The following SCAF11 variants were observed in gnomAD, a reference collection of about 807,000 sequenced individuals.
SCAF11 encodes SR-related CTD associated factor 11.
SCAF11 carries 47 observed loss-of-function variants against 140.5 expected under a neutral mutation model. The ratio of observed to expected loss-of-function variants is 0.33; its 90% CI spans 0.26 to 0.43. SCAF11 has a LOEUF of 0.43. Ranked by LOEUF, SCAF11 falls within the 20% of genes least tolerant of loss-of-function variation. SCAF11 has a pLI of 1.00. For synonymous variants in SCAF11, 557 were observed against 579.4 expected, an observed-to-expected ratio of 0.96 and a Z score of 0.55; for missense variants, 1,645 against 1,705.1, an observed-to-expected ratio of 0.96 and a Z score of 0.62.
chr12:45,962,143 T>A (rs1363573244), intron 2 of SCAF11, among the ~76,000 whole-genome samples: 1 of 152,182 alleles, frequency 6.6e-6, no homozygotes, highest in African/African-American at 2.4e-5. Context: ...TTCAAATTTA[T>A]CCCCATCCAG....
At chr12:45,930,445 GTTTTTTTTTTGTTT>G (rs1945014474) in intron 10 of SCAF11, among the ~76,000 whole-genome samples, 2 of 123,722 alleles carry the variant, frequency 1.6e-5, no homozygotes, top group Admixed American at 7.9e-5. Context: ...GTTGTGTTTT[GTTTTTTTTTTGTTT>G]TTTTTTTTTT....
At chr12:45,984,619 G>A (rs974454083) in intron 1 of SCAF11, among the ~76,000 whole-genome samples, 5 of 151,726 alleles carry the variant, frequency 3.3e-5, no homozygotes, top group African/African-American at 4.8e-5. Flanking sequence ...TATTTATTCC[G>A]AGATTATCTC....
intron 1 of SCAF11, among the ~76,000 whole-genome samples, chr12:45,972,909 GATATATATATAGATATATAGAT>G (rs1565688896): frequency 0.016 from 1,068 of 68,412 alleles, 104 homozygotes; most frequent in African/African-American, 0.062. Flanking sequence ...TATATATATA[GATATATATATAGATATATAGAT>G]ATATATAGAT....
In SCAF11 at chr12:45,926,612, G is replaced by A; in HGVS notation, c.3089C>T (p.Ser1030Phe). The change falls in exon 11 of 15, where the codon TCT (serine) becomes TTT (phenylalanine). Residue 1030 changes from serine (S) to phenylalanine (F), a missense_variant. Ser to Phe is a radical substitution (Grantham distance 155). This residue lies in a region of SCAF11 where 1,582 missense variants were observed against 1,609.2 expected (regional missense o/e 0.98). Transcript: ENST00000369367. ...ATTTCTGGTTCTTGGATCAGGCCCA[G>A]AGTTTATTTTTTCTGTTATCCAATT... ...CPNWITEKIN[S>F]GPDPRTRNPE... The A allele has an allele frequency of 6.2e-7, 1 of 1,613,998 alleles. No individual in the cohort carries two copies. The highest frequency in any genetic ancestry group is 8.5e-7 in the Non-Finnish European group (1 of 1,180,008).
chr12:45,949,244 C>G (rs548188727), intron 4 of SCAF11, among the ~76,000 whole-genome samples: 1 of 152,252 alleles, frequency 6.6e-6, no homozygotes. Context: ...ACAACAGTCA[C>G]TAGCCACATA....
Position 45,927,932 on chromosome 12 carries a change from A to G in SCAF11, c.1769T>C (p.Val590Ala). Residue 590 changes from valine to alanine, a missense_variant, in exon 11 of 15, where the codon GTA becomes GCA. Val to Ala is a moderately conservative substitution (Grantham distance 64). Transcript: ENST00000369367. ...AAAATCTTTATGTTCAGTAATTTCTACTAGGGAACTCTCTGTTATTTTTTC... is the reference window on the plus strand; with the variant it reads ...AAAATCTTTATGTTCAGTAATTTCTGCTAGGGAACTCTCTGTTATTTTTTC... ...NEEKITESSL[V>A]EITEHKDFTL... is the part of the protein sequence containing the mutation. 6.2e-7 allele frequency: 1 copy of G among 1,613,204 alleles called. No individual in the cohort carries two copies.
intron 1 of SCAF11, chr12:45,974,189 C>A (rs1424675424): frequency 1.1e-5 from 5 of 470,736 alleles, no homozygotes; most frequent in African/African-American, 8.0e-5. Flanking sequence ...TTTAAAAATA[C>A]CTTATTGCTA....
rs776615387 is a variant in SCAF11 at position 45,926,414 on chromosome 12, C to T, written c.3287G>A (p.Arg1096Gln). ...TGAGAGGGGTTTTCGATTTTGCCAC[C>T]GATTTTCATTCTGATCTTTATAGGC... ...SFAYKDQNEN[R>Q]WQNRKPLSGN... The change falls in exon 11 of 15, where the codon CGG (arginine) becomes CAG (glutamine). Residue 1096 changes from arginine (R) to glutamine (Q), a missense_variant. By Grantham distance (43) the Arg-to-Gln change is conservative. Around this residue, in one of 2 missense-constraint regions of SCAF11, gnomAD observed 1,582 missense variants for 1,609.2 expected, o/e 0.98. Coordinates refer to ENST00000369367, the MANE Select transcript of SCAF11 (RefSeq NM_004719.3). The T allele has an allele frequency of 1.8e-5, 29 of 1,614,034 alleles. No homozygotes were observed. In the South Asian group the frequency reaches 2.0e-4, roughly 11 times the overall value.
Position 45,926,916 on chromosome 12 carries a change from T to C in SCAF11, c.2785A>G (p.Thr929Ala), listed in dbSNP as rs1370373230. 1.2e-6 allele frequency: 2 copies of C among 1,613,190 alleles called. No individual in the cohort carries two copies. The highest frequency in any genetic ancestry group is 1.7e-6 in the Non-Finnish European group (2 of 1,180,006). ...DGQRRERERRTRKWSRSRSHS... is the reference protein window; with the variant it reads ...DGQRRERERRARKWSRSRSHS... Reference sequence around the variant, plus strand: ...GATCTGGACCTAGACCACTTTCTGGTTCTCCTTTCTCTCTCTCTCCTCTGC... The same window carrying C: ...GATCTGGACCTAGACCACTTTCTGGCTCTCCTTTCTCTCTCTCTCCTCTGC... The change falls in exon 11 of 15, where the codon ACC becomes GCC. Residue 929 changes from threonine (T) to alanine (A), a missense_variant. Thr to Ala is a moderately conservative substitution (Grantham distance 58). This residue lies in a region of SCAF11 where 1,582 missense variants were observed against 1,609.2 expected (regional missense o/e 0.98). Coordinates refer to ENST00000369367, the MANE Select transcript of SCAF11 (RefSeq NM_004719.3).
At chr12:45,954,961 T>C (rs1426312642) in intron 3 of SCAF11, 1 of 151,662 alleles carries the variant, frequency 6.6e-6, no homozygotes, top group Non-Finnish European at 1.5e-5. Flanking sequence ...TAAGCATAAT[T>C]GTCTTAGGTT....
intron 2 of SCAF11, 116 bp from the exon 3 acceptor site, chr12:45,961,973 G>T: frequency 1.6e-6 from 1 of 622,104 alleles, no homozygotes; most frequent in Non-Finnish European, 2.5e-6. Context: ...AAAGCAAATA[G>T]ATCTTAGATA....
intron 10 of SCAF11, 117 bp downstream of exon 10, chr12:45,931,389 C>T: frequency 2.0e-6 from 1 of 491,084 alleles, no homozygotes; most frequent in Non-Finnish European, 3.5e-6. Flanking sequence ...GACGTATTTA[C>T]AAGTTACTAT....
chr12:45,990,694 C>T, upstream of SCAF11: 2 of 802,504 alleles, frequency 2.5e-6, no homozygotes, highest in African/African-American at 3.5e-5. Flanking sequence ...GGACTCGCCA[C>T]ATTCTGCTTA....
chr12:45,987,871 G>A (rs1410414934), intron 1 of SCAF11, among the ~76,000 whole-genome samples: 1 of 152,152 alleles, frequency 6.6e-6, no homozygotes, highest in Non-Finnish European at 1.5e-5. Context: ...TTTTTAGGAA[G>A]ATATTTTTGA....
chr12:45,927,037 A>C lies in SCAF11; in HGVS notation c.2664T>G (p.Ser888=), dbSNP rs1372161492. The C allele has an allele frequency of 1.2e-6, 2 of 1,613,882 alleles. No homozygotes were observed. The highest frequency in any genetic ancestry group is 1.7e-6 in the Non-Finnish European group (2 of 1,180,010). ...SESLSPRRET[S]RENKRSQPRV... is the part of the protein sequence containing the mutation. ...TTGGCTGAGATCTTTTGTTCTCTCT[A>C]GAAGTTTCTCTTCTTGGGGACAGTG... Residue 888 remains serine, a synonymous_variant, in exon 11 of 15, where the codon TCT becomes TCG. Transcript: ENST00000369367.
chr12:45,957,351 G>A (rs1945713940), intron 3 of SCAF11, among the ~76,000 whole-genome samples: 1 of 152,106 alleles, frequency 6.6e-6, no homozygotes, highest in African/African-American at 2.4e-5. Flanking sequence ...AGAAACACCT[G>A]TATATAAAAC....
chr12:45,922,199 G>C lies in SCAF11; in HGVS notation c.4246-5C>G. 2 of 1,582,164 alleles carry C rather than the reference G, an allele frequency of 1.3e-6. No homozygotes were observed. Among genetic ancestry groups the C allele is most frequent in the Non-Finnish European group, 1.7e-6 (2 of 1,169,768 alleles). On this transcript the variant is annotated splice_polypyrimidine_tract_variant and splice_region_variant and intron_variant, in intron 14 of 14. Transcript: ENST00000369367. ...TCCACTCTTACTATGACAAACCTAA[G>C]AAAAAAGGGGTGGGGGGTAAACTTT... is the stretch of plus-strand genomic sequence containing the variant.
At chr12:45,972,913 T>TATCG (rs1946124687) in intron 1 of SCAF11, among the ~76,000 whole-genome samples, 12 of 90,484 alleles carry the variant, frequency 1.3e-4, no homozygotes, top group East Asian at 1.3e-3. Context: ...TATATAGATA[T>TATCG]ATATATAGAT....
At chr12:45,944,973 G>A (rs1945385893) in intron 6 of SCAF11, 2 of 400,888 alleles carry the variant, frequency 5.0e-6, no homozygotes, top group Non-Finnish European at 8.8e-6. Context: ...TAAGGCCACA[G>A]TATGAGCTGG....
Sources: gnomAD v4.1 joint callset for allele counts (sites outside exome capture counted in the v4.1 genomes callset) on GRCh38, gnomAD v4.1.1 for gene constraint, gnomAD v4.1.1 regional missense constraint, MANE v1.5 for transcripts, NCBI Gene and HGNC (gene_info 2026-07-23, HGNC 2026-07-21) for gene names.